MKRN2OS: variants seen among roughly 807,000 people sequenced by gnomAD.
MKRN2OS encodes the protein MKRN2 opposite strand protein.
In MKRN2OS, 17 loss-of-function variants were observed where a neutral mutation model predicts 18.2. The observed-to-expected ratio is 0.93, with a 90% confidence interval of 0.64 to 1.40. The LOEUF (loss-of-function observed/expected upper bound fraction) is 1.40, where lower values mean the gene tolerates loss of function less well. MKRN2OS is among the 40% of genes most tolerant of loss of function. MKRN2OS has a pLI of 0.00. For synonymous variants in MKRN2OS, 121 were observed against 108.5 expected, an observed-to-expected ratio of 1.12 and a Z score of -0.72; for missense variants, 337 against 283.0, an observed-to-expected ratio of 1.19 and a Z score of -1.37.
chr3:12,548,151 A>G (rs1176276970), upstream of MKRN2OS, among the ~76,000 whole-genome samples: 1 of 152,118 alleles, frequency 6.6e-6, no homozygotes, highest in Non-Finnish European at 1.5e-5. Context: ...CTCTACTAAA[A>G]TTACAATAAT....
chr3:12,552,007 G>A (rs1475759069), downstream of MKRN2OS, among the ~76,000 whole-genome samples: 1 of 151,582 alleles, frequency 6.6e-6, no homozygotes, highest in East Asian at 2.0e-4. Flanking sequence ...AGTGTAAATG[G>A]ACTAAATGCT....
At chr3:12,557,076 G>T in intron 1 of MKRN2OS, 1 of 1,378,110 alleles carries the variant, frequency 7.3e-7, no homozygotes. Context: ...GGGATGGGCC[G>T]GGCCAGGGCC....
intron 1 of MKRN2OS, among the ~76,000 whole-genome samples, chr3:12,543,706 C>T (rs770942977): frequency 6.6e-6 from 1 of 151,830 alleles, no homozygotes; most frequent in African/African-American, 2.4e-5. Flanking sequence ...GAAAACATTG[C>T]GAAACCTCGT....
At chr3:12,554,470 TATATATGAA>T (rs59518856) in intron 1 of MKRN2OS, among the ~76,000 whole-genome samples, 22,055 of 150,468 alleles carry the variant, frequency 0.15, 1,761 homozygotes, top group Admixed American at 0.22. Flanking sequence ...TTTTCATAAA[TATATATGAA>T]ATATATGAAA....
chr3:12,543,892 CAA>C (rs10539183), intron 1 of MKRN2OS, among the ~76,000 whole-genome samples: 71,190 of 126,952 alleles, frequency 0.56, 18,648 homozygotes, highest in African/African-American at 0.68. Context: ...ACCCTGGTCT[CAA>C]AAAAAAAAAA....
chr3:12,544,164 AG>A (rs1295211909), intron 1 of MKRN2OS, among the ~76,000 whole-genome samples: 1 of 152,208 alleles, frequency 6.6e-6, no homozygotes, highest in Non-Finnish European at 1.5e-5. Flanking sequence ...GTAGGCAGGA[AG>A]GTGAGTAGTC....
In MKRN2OS at chr3:12,540,303, G is replaced by A. The variant is rs1286379922; in HGVS notation, c.562C>T (p.Leu188=). The A allele has an allele frequency of 2.6e-6, 4 of 1,536,024 alleles. No individual in the cohort carries two copies. In the Admixed American group the frequency reaches 5.9e-5, roughly 23 times the overall value. ...TEKYVVPRTR[L]ASKFITLYRA... is the part of the protein sequence containing the mutation. ...TAGAGTGTGATGAACTTGGATGCCA[G>A]CCTTGTCCGCGGGACCACGTACTTC... Residue 188 remains leucine, a synonymous_variant, in exon 4 of 4, where the codon CTG becomes TTG. Coordinates refer to ENST00000564146, the MANE Select transcript of MKRN2OS (RefSeq NM_001195279.2).
intron 3 of MKRN2OS, among the ~76,000 whole-genome samples, chr3:12,541,407 C>T (rs1181424794): frequency 2.0e-5 from 3 of 151,946 alleles, no homozygotes; most frequent in African/African-American, 4.8e-5. Context: ...TTAATAGAGA[C>T]GGGGTTTTAC....
intron 1 of MKRN2OS, chr3:12,557,211 C>A: frequency 6.5e-7 from 1 of 1,530,286 alleles, no homozygotes; most frequent in Non-Finnish European, 8.8e-7. Flanking sequence ...TCGGGCCGCT[C>A]CCCCAGGCCG....
At chr3:12,551,705 T>A (rs2442816), downstream of MKRN2OS, among the ~76,000 whole-genome samples, 88,397 of 151,044 alleles carry the variant, frequency 0.59, 28,241 homozygotes, top group African/African-American at 0.84. Context: ...GGAGGCCAAG[T>A]TGGGCAGATC....
chr3:12,557,034 C>G, intron 1 of MKRN2OS: 46 of 893,100 alleles, frequency 5.2e-5, no homozygotes, highest in East Asian at 1.0e-4. Context: ...GGGCGGCGTG[C>G]GCCGGCGTGC....
At chr3:12,549,431 T>C (rs1344853214), upstream of MKRN2OS, among the ~76,000 whole-genome samples, 5 of 151,824 alleles carry the variant, frequency 3.3e-5, no homozygotes, top group South Asian at 2.1e-4. Context: ...TTAGTAGATA[T>C]GGGGTTTCAC....
intron 1 of MKRN2OS, chr3:12,556,988 G>T (rs1291229485): frequency 2.6e-6 from 2 of 758,516 alleles, no homozygotes; most frequent in Admixed American, 4.4e-5. Flanking sequence ...CGACGGCTAG[G>T]TTACCCGCCG....
chr3:12,554,665 T>C (rs900968949), intron 1 of MKRN2OS, among the ~76,000 whole-genome samples: 14 of 152,220 alleles, frequency 9.2e-5, no homozygotes, highest in South Asian at 6.2e-4. Context: ...ACTATACAGT[T>C]CTACGAAAGG....
intron 3 of MKRN2OS, 53 bp downstream of exon 3, chr3:12,541,807 C>T: frequency 6.6e-7 from 1 of 1,509,182 alleles, no homozygotes; most frequent in South Asian, 1.3e-5. Flanking sequence ...ACGGGGATCC[C>T]ACTTGCATAG....
intron 1 of MKRN2OS, among the ~76,000 whole-genome samples, chr3:12,559,650 G>C (rs143131513): frequency 6.6e-6 from 1 of 152,078 alleles, no homozygotes; most frequent in Non-Finnish European, 1.5e-5. Context: ...TGCCTGGAGT[G>C]GTAAAAATGA....
chr3:12,540,341 C>A lies in MKRN2OS; in HGVS notation c.524G>T (p.Gly175Val). Residue 175 changes from glycine (G) to valine (V), a missense_variant, in exon 4 of 4, where the codon GGT (glycine) becomes GTT (valine). Gly to Val is a moderately radical substitution (Grantham distance 109, BLOSUM62 -3). Coordinates refer to ENST00000564146, the MANE Select transcript of MKRN2OS (RefSeq NM_001195279.2). ...MAEGRQQLDKGEFTEKYVVPR... is the reference protein window; with the variant it reads ...MAEGRQQLDKVEFTEKYVVPR... Reference sequence around the variant, plus strand: ...GACCACGTACTTCTCCGTAAATTCACCCTTGTCCAGTTGCTGTCTACCTTC... The same window carrying A: ...GACCACGTACTTCTCCGTAAATTCAACCTTGTCCAGTTGCTGTCTACCTTC... 1 of 1,536,100 alleles carries A rather than the reference C, an allele frequency of 6.5e-7. No individual in the cohort carries two copies. The highest frequency in any genetic ancestry group is 8.7e-7 in the Non-Finnish European group (1 of 1,146,922).
upstream of MKRN2OS, among the ~76,000 whole-genome samples, chr3:12,545,978 T>C (rs542314043): frequency 6.6e-6 from 1 of 152,230 alleles, no homozygotes; most frequent in South Asian, 2.1e-4. Context: ...AACTAATTGT[T>C]GTGTTTTTTG....
chr3:12,557,002 C>A, intron 1 of MKRN2OS: 1 of 913,116 alleles, frequency 1.1e-6, no homozygotes, highest in Non-Finnish European at 1.4e-6. Context: ...CCCGCCGGCG[C>A]TACAAAGGTG....
Sources: gnomAD v4.1 joint callset for allele counts (sites outside exome capture counted in the v4.1 genomes callset) on GRCh38, gnomAD v4.1.1 for gene constraint, MANE v1.5 for transcripts, NCBI Gene and HGNC (gene_info 2026-07-23, HGNC 2026-07-21) for gene names.